The following TANC1 variants were observed in gnomAD, a reference collection of about 807,000 sequenced individuals.
The protein encoded by TANC1 is tetratricopeptide repeat, ankyrin repeat and coiled-coil containing 1.
Under a neutral mutation model 149.7 loss-of-function variants are expected in TANC1, and 77 were observed. The ratio of observed to expected loss-of-function variants is 0.51; its 90% CI spans 0.43 to 0.62. The LOEUF (loss-of-function observed/expected upper bound fraction) is 0.62, where lower values mean the gene tolerates loss of function less well. Ranked by LOEUF, TANC1 falls within the 20% of genes least tolerant of loss-of-function variation. The pLI is 0.00. For synonymous variants in TANC1, 854 were observed against 925.0 expected (o/e 0.92, Z 1.39); for missense variants, 1,985 against 2,321.8 (o/e 0.85, Z 2.98).
In TANC1 at chr2:159,223,026, C is replaced by T. The variant is rs1444664620; in HGVS notation, c.3679-1206C>T. 5.9e-5 allele frequency among the ~76,000 whole-genome samples: 9 copies of T among 152,342 alleles called. 1 individual carries two copies. In the Middle Eastern group the frequency reaches 0.01, roughly 173 times the overall value. On this transcript the variant is annotated intron_variant, in intron 22 of 26. Coordinates refer to ENST00000263635, the MANE Select transcript of TANC1 (RefSeq NM_033394.3). ...GTTCAAGCGATTCTCCTGCCTCAGC[C>T]TCCTGAGTAGCTGGGATTACAGGTG...
chr2:159,047,909 C>G (rs2041194979), intron 2 of TANC1, among the ~76,000 whole-genome samples: 1 of 152,184 alleles, frequency 6.6e-6, no homozygotes, highest in South Asian at 2.1e-4. Flanking sequence ...CCTATATAAA[C>G]AAGTGTAATA....
intron 2 of TANC1, 106 bp from the exon 3 acceptor site, chr2:159,065,790 A>C (rs1306071545): frequency 1.3e-6 from 1 of 796,508 alleles, no homozygotes; most frequent in African/African-American, 1.7e-5. Flanking sequence ...CCTTAATATT[A>C]AGCGGTCTGT....
chr2:159,138,672 A>C (rs530716346), intron 5 of TANC1, among the ~76,000 whole-genome samples: 1 of 152,176 alleles, frequency 6.6e-6, no homozygotes, highest in Middle Eastern at 3.2e-3. Flanking sequence ...TCTGTTATCT[A>C]TATTTCCCTT....
intron 16 of TANC1, among the ~76,000 whole-genome samples, chr2:159,193,618 G>A (rs771572829): frequency 4.6e-5 from 7 of 152,002 alleles, no homozygotes; most frequent in African/African-American, 7.3e-5. Flanking sequence ...TCCACCTCCC[G>A]GGTTCAAGCG....
At chr2:159,093,355 C>G (rs1262766798) in intron 3 of TANC1, among the ~76,000 whole-genome samples, 1 of 152,206 alleles carries the variant, frequency 6.6e-6, no homozygotes, top group African/African-American at 2.4e-5. Flanking sequence ...TCTTAAATGT[C>G]TTTAAGCTTC....
chr2:159,161,468 G>A (rs748970443), intron 7 of TANC1, among the ~76,000 whole-genome samples: 1 of 152,210 alleles, frequency 6.6e-6, no homozygotes, highest in East Asian at 1.9e-4. Flanking sequence ...ACCACAATCT[G>A]TGTTATGGGA....
intron 4 of TANC1, among the ~76,000 whole-genome samples, chr2:159,134,302 G>C (rs796361775): frequency 9.2e-5 from 14 of 152,212 alleles, no homozygotes; most frequent in African/African-American, 2.9e-4. Flanking sequence ...TAACAGAATA[G>C]GCAGTATTTT....
chr2:159,080,650 C>T (rs1043515116), intron 3 of TANC1, among the ~76,000 whole-genome samples: 1 of 152,170 alleles, frequency 6.6e-6, no homozygotes, highest in African/African-American at 2.4e-5. Context: ...TAGACTGGTT[C>T]CCCAAAGGCC....
At chr2:159,030,298 T>A (rs778951572) in intron 2 of TANC1, among the ~76,000 whole-genome samples, 1 of 152,236 alleles carries the variant, frequency 6.6e-6, no homozygotes, top group East Asian at 1.9e-4. Flanking sequence ...TAGAAATTAC[T>A]AGGTATTACA....
intron 3 of TANC1, among the ~76,000 whole-genome samples, chr2:159,089,923 A>G (rs1292224511): frequency 6.6e-6 from 1 of 152,182 alleles, no homozygotes; most frequent in Non-Finnish European, 1.5e-5. Flanking sequence ...GCTTCATTTC[A>G]CCCACTTGCC....
intron 2 of TANC1, among the ~76,000 whole-genome samples, chr2:159,007,295 C>A (rs1247097919): frequency 6.6e-6 from 1 of 152,054 alleles, no homozygotes; most frequent in Admixed American, 6.6e-5. Flanking sequence ...TACAGGCTTG[C>A]GCCACCACAA....
chr2:159,186,805 G>A (rs755285889), intron 15 of TANC1, 97 bp from the exon 16 acceptor site: 24 of 1,519,732 alleles, frequency 1.6e-5, no homozygotes, highest in African/African-American at 4.1e-5. Flanking sequence ...CACCCTCTGC[G>A]GCAGACCCAC....
intron 4 of TANC1, among the ~76,000 whole-genome samples, chr2:159,112,508 G>A (rs141458436): frequency 5.2e-4 from 79 of 151,532 alleles, no homozygotes; most frequent in Non-Finnish European, 9.6e-4. Context: ...TGCACGCCTC[G>A]GCCTCACAAA....
intron 5 of TANC1, among the ~76,000 whole-genome samples, chr2:159,137,424 A>G (rs180825619): frequency 1.5e-3 from 223 of 152,296 alleles, no homozygotes; most frequent in African/African-American, 5.0e-3. Flanking sequence ...TGGGCAGGCA[A>G]GAGGTGCTAT....
intron 17 of TANC1, among the ~76,000 whole-genome samples, chr2:159,195,826 A>G (rs2057802143): frequency 6.6e-6 from 1 of 152,164 alleles, no homozygotes; most frequent in South Asian, 2.1e-4. Flanking sequence ...GCTGAGTGCT[A>G]TGTCAGGGGG....
intron 4 of TANC1, among the ~76,000 whole-genome samples, chr2:159,133,667 TAA>T (rs1483544040): frequency 6.6e-6 from 1 of 152,222 alleles, no homozygotes; most frequent in Non-Finnish European, 1.5e-5. Flanking sequence ...ATGTTGTAGA[TAA>T]AGTCTGGATA....
At chr2:158,975,017 C>T (rs575673584) in intron 1 of TANC1, among the ~76,000 whole-genome samples, 1 of 148,964 alleles carries the variant, frequency 6.7e-6, no homozygotes, top group East Asian at 2.0e-4. Flanking sequence ...TCTCAAAGTG[C>T]TGGGATTACA....
At chr2:158,995,742 C>T (rs750052611) in intron 1 of TANC1, among the ~76,000 whole-genome samples, 3 of 152,224 alleles carry the variant, frequency 2.0e-5, no homozygotes, top group Non-Finnish European at 2.9e-5. Context: ...CTTCCCCAGA[C>T]AGCTCTCAAT....
At chr2:159,169,916 C>T (rs1481121061) in intron 9 of TANC1, among the ~76,000 whole-genome samples, 1 of 151,894 alleles carries the variant, frequency 6.6e-6, no homozygotes, top group Non-Finnish European at 1.5e-5. Flanking sequence ...TTATTTGAAC[C>T]CAAGAGGCGG....
Sources: gnomAD v4.1 joint callset for allele counts (sites outside exome capture counted in the v4.1 genomes callset) on GRCh38, gnomAD v4.1.1 for gene constraint, MANE v1.5 for transcripts, NCBI Gene and HGNC (gene_info 2026-07-23, HGNC 2026-07-21) for gene names.